The following ASH1L variants were observed in gnomAD, a reference collection of about 807,000 sequenced individuals.
ASH1L encodes the protein ASH1 like histone lysine methyltransferase.
In ASH1L, 23 loss-of-function variants were observed where a neutral mutation model predicts 269.0. The ratio of observed to expected loss-of-function variants is 0.09; its 90% CI spans 0.06 to 0.12. ASH1L has a LOEUF of 0.12. ASH1L is among the 10% of genes least tolerant of loss of function. ASH1L has a pLI of 1.00. For missense variants in ASH1L, 2,912 were observed against 3,567.8 expected, an observed-to-expected ratio of 0.82 and a Z score of 4.68; for synonymous variants, 1,187 against 1,253.5, an observed-to-expected ratio of 0.95 and a Z score of 1.12.
chr1:155,386,535 G>A (rs577118323), intron 7 of ASH1L, among the ~76,000 whole-genome samples: 4 of 147,708 alleles, frequency 2.7e-5, no homozygotes, highest in African/African-American at 7.4e-5. Context: ...ACAGGCACGT[G>A]CCACCATGCC....
chr1:155,507,380 G>A (rs776520512), intron 2 of ASH1L, among the ~76,000 whole-genome samples: 23 of 151,612 alleles, frequency 1.5e-4, no homozygotes, highest in Non-Finnish European at 3.1e-4. Context: ...TTTCTAAACA[G>A]AAAACCATTT....
chr1:155,490,614 T>TCTCACA (rs1553267799), intron 2 of ASH1L, among the ~76,000 whole-genome samples: 4 of 142,310 alleles, frequency 2.8e-5, no homozygotes, highest in African/African-American at 5.4e-5. Flanking sequence ...CCAGACTACG[T>TCTCACA]CACACACACA....
intron 7 of ASH1L, among the ~76,000 whole-genome samples, chr1:155,388,450 C>T (rs967168197): frequency 1.3e-5 from 2 of 151,756 alleles, no homozygotes; most frequent in African/African-American, 4.8e-5. Context: ...GTCACCATAC[C>T]TGGCTAAATT....
Position 155,477,904 on chromosome 1 carries a change from C to T in ASH1L, c.4966G>A (p.Ala1656Thr). 1 of 1,612,072 alleles carries T rather than the reference C, an allele frequency of 6.2e-7. No homozygotes were observed. The highest frequency in any genetic ancestry group is 8.5e-7 in the Non-Finnish European group (1 of 1,178,444). The change falls in exon 3 of 28, where the codon GCA becomes ACA. Residue 1656 changes from alanine (A) to threonine (T), a missense_variant. This residue lies in a region of ASH1L where 789 missense variants were observed against 897.6 expected (regional missense o/e 0.88). Transcript: ENST00000392403. ...CTCTTACCTGCCAAAGTCTGTACTG[C>T]CCTTTCGTTAGAAGGCAGTGACTCC... is the stretch of plus-strand genomic sequence containing the variant. ...RKESLPSNER[A>T]VQTLAGSQPT...
Position 155,343,278 on chromosome 1 carries a change from G to C in ASH1L, c.8293+36C>G, listed in dbSNP as rs769258781. 1.3e-6 allele frequency: 2 copies of C among 1,586,508 alleles called. No individual in the cohort carries two copies. Among genetic ancestry groups the C allele is most frequent in the Non-Finnish European group, 1.7e-6 (2 of 1,165,404 alleles). On this transcript the variant is annotated intron_variant, in intron 24 of 27. Coordinates refer to ENST00000392403, the MANE Select transcript of ASH1L (RefSeq NM_018489.3). This position sits in a 1 kb window ranked among gnomAD's most constrained non-coding sequence, Gnocchi z 6.1. ...TTATCAGCGTGAGCCACTGCACTTG[G>C]CCGAGGTCATTTTTTAACTAGCCCA... is the stretch of plus-strand genomic sequence containing the variant.
intron 14 of ASH1L, 81 bp downstream of exon 14, chr1:155,357,504 C>T: frequency 6.3e-7 from 1 of 1,597,708 alleles, no homozygotes; most frequent in South Asian, 1.1e-5. Context: ...ATGCCACCCT[C>T]TGGTAATTCC....
At chr1:155,506,010 C>T (rs1667795152) in intron 2 of ASH1L, among the ~76,000 whole-genome samples, 1 of 151,948 alleles carries the variant, frequency 6.6e-6, no homozygotes, top group South Asian at 2.1e-4. Flanking sequence ...CACGACAGGC[C>T]CCGATGTGTG....
intron 1 of ASH1L, among the ~76,000 whole-genome samples, chr1:155,526,433 A>G (rs1399388790): frequency 6.6e-6 from 1 of 152,228 alleles, no homozygotes; most frequent in African/African-American, 2.4e-5. Context: ...CTTCCAAATC[A>G]TATTTTATAC....
Position 155,438,401 on chromosome 1 carries a change from A to T in ASH1L, c.5754T>A (p.Gly1918=). Residue 1918 remains glycine (G), a synonymous_variant, in exon 5 of 28, where the codon GGT becomes GGA. Transcript: ENST00000392403. The part of the protein sequence containing the change: ...PEHKKGLKRK[G]WLLEEQTRKK... ...TTCTGGTCTGTTCTTCCAATAGCCA[A>T]CCTTTTCTCTTCAACCCCTTTTTAT... is the stretch of plus-strand genomic sequence containing the variant. 6.2e-7 allele frequency: 1 copy of T among 1,610,662 alleles called. No individual in the cohort carries two copies. The highest frequency in any genetic ancestry group is 8.5e-7 in the Non-Finnish European group (1 of 1,179,080).
intron 17 of ASH1L, among the ~76,000 whole-genome samples, chr1:155,351,857 A>C (rs979078027): frequency 4.6e-5 from 7 of 151,856 alleles, no homozygotes; most frequent in Admixed American, 4.6e-4. Context: ...TCTCAAAAAA[A>C]AAAAAGTAAA....
chr1:155,438,304 T>TAATA lies in ASH1L; in HGVS notation c.5828+19_5828+22dup, dbSNP rs113352417. 2.9e-4 allele frequency: 443 copies of TAATA among 1,524,768 alleles called. 4 individuals are homozygous for TAATA. In the African/African-American group the frequency reaches 4.7e-3, roughly 16 times the overall value. The allele number at this position is 1,524,768 out of a possible 1,614,324, so 94.5% of individuals were successfully genotyped here. A position where few individuals can be genotyped will look rare whatever the true frequency, so the allele number is the denominator to read the frequency against. On this transcript the variant is annotated intron_variant, in intron 5 of 27. Coordinates refer to ENST00000392403, the MANE Select transcript of ASH1L (RefSeq NM_018489.3). Reference sequence around the variant, plus strand: ...TCAAAGCTAGTTTCCTCTACTCAGATAATATGTTAAATGAGGAATTACCTT... The same window carrying TAATA: ...TCAAAGCTAGTTTCCTCTACTCAGATAATAAATATGTTAAATGAGGAATTACCTT...
In ASH1L at chr1:155,349,410, T is replaced by C. The variant is rs201853293; in HGVS notation, c.7471A>G (p.Ile2491Val). 5.0e-6 allele frequency: 8 copies of C among 1,614,154 alleles called. No individual in the cohort carries two copies. The highest frequency in any genetic ancestry group is 2.2e-5 in the East Asian group (1 of 44,884). The change falls in exon 19 of 28, where the codon ATA becomes GTA. Residue 2491 changes from isoleucine (I) to valine (V), a missense_variant. Physicochemically the swap from Ile to Val is conservative, Grantham distance 29 (BLOSUM62 3). This residue lies in a region of ASH1L where 309 missense variants were observed against 435.1 expected (regional missense o/e 0.71). Coordinates refer to ENST00000392403, the MANE Select transcript of ASH1L (RefSeq NM_018489.3). The part of the protein sequence containing the change: ...KISDPLDLIT[I>V]EKQILTGYYK... The stretch of plus-strand genomic sequence containing the variant: ...TAACCAGTGAGGATCTGCTTCTCTA[T>C]GGTGATAAGATCTAGGGGATCAGAG...
Position 155,562,343 on chromosome 1 carries a change from G to A in ASH1L, c.-290C>T, listed in dbSNP as rs748486120. The A allele has an allele frequency of 5.2e-6, 8 of 1,552,364 alleles. No individual in the cohort carries two copies. Among genetic ancestry groups the A allele is most frequent in the African/African-American group, 4.1e-5 (3 of 73,570 alleles). On this transcript the variant is annotated 5_prime_UTR_variant, in exon 1 of 28. Coordinates refer to ENST00000392403, the MANE Select transcript of ASH1L (RefSeq NM_018489.3). ...GAAGGGAAAGGTGGAAGGCTAAAGG[G>A]GGCAAACTGAGGGGAGGCGGGTCCC...
intron 2 of ASH1L, among the ~76,000 whole-genome samples, chr1:155,496,628 TTTTTC>T (rs1340386044): frequency 6.6e-6 from 1 of 151,982 alleles, no homozygotes; most frequent in Non-Finnish European, 1.5e-5. Context: ...CTACTACTAG[TTTTTC>T]TTTTCTTCTT....
At chr1:155,350,539 A>T (rs2148347179) in intron 17 of ASH1L, among the ~76,000 whole-genome samples, 1 of 152,310 alleles carries the variant, frequency 6.6e-6, no homozygotes, top group South Asian at 2.1e-4. Flanking sequence ...AGGGCAAATT[A>T]CTACTCAACA....
intron 4 of ASH1L, among the ~76,000 whole-genome samples, chr1:155,458,445 T>C (rs1664025386): frequency 6.6e-6 from 1 of 152,250 alleles, no homozygotes; most frequent in South Asian, 2.1e-4. Flanking sequence ...CTGGGTGCGG[T>C]GGCTCATGCC....
intron 2 of ASH1L, among the ~76,000 whole-genome samples, chr1:155,506,156 A>C (rs1667804398): frequency 6.6e-6 from 1 of 152,206 alleles, no homozygotes; most frequent in Non-Finnish European, 1.5e-5. Context: ...TGTCCCTACA[A>C]ATGACATGAA....
At position 155,481,209 on chromosome 1, in the gene ASH1L, T is replaced by C. The variant is rs780336941; in HGVS notation, c.1661A>G (p.Asn554Ser). 5 of 1,613,882 alleles carry C rather than the reference T, an allele frequency of 3.1e-6. No individual in the cohort carries two copies. The highest frequency in any genetic ancestry group is 1.6e-4 in the Middle Eastern group (1 of 6,062). The change falls in exon 3 of 28, where the codon AAT becomes AGT. Residue 554 changes from asparagine (N) to serine (S), a missense_variant. This residue lies in a region of ASH1L where 715 missense variants were observed against 721.0 expected (regional missense o/e 0.99). Transcript: ENST00000392403. ...TACAGTAGGTGATGGGGAAGGGAGA[T>C]TGCTTTCTCCTACTGCACTGAATGG... is the stretch of plus-strand genomic sequence containing the variant. ...KSPFSAVGES[N>S]LPSPSPTVSV...
At chr1:155,373,257 C>T (rs2148423237) in intron 10 of ASH1L, among the ~76,000 whole-genome samples, 1 of 150,762 alleles carries the variant, frequency 6.6e-6, no homozygotes, top group Admixed American at 6.6e-5. Flanking sequence ...ACATAGAAGA[C>T]AAAAGAAGTC....
Sources: allele counts gnomAD v4.1 joint callset (sites outside exome capture counted in the v4.1 genomes callset), GRCh38; gene constraint gnomAD v4.1.1; regional missense constraint gnomAD v4.1.1; non-coding constraint Gnocchi (gnomAD v3.1); transcripts MANE v1.5; gene names NCBI Gene and HGNC (gene_info 2026-07-23, HGNC 2026-07-21).